The following BCO1 variants were observed in gnomAD, a reference collection of about 807,000 sequenced individuals.
BCO1 encodes beta,beta-carotene 15,15'-dioxygenase.
A neutral mutation model predicts 56.3 loss-of-function variants in BCO1; 54 were observed. The observed-to-expected ratio is 0.96, with a 90% confidence interval of 0.77 to 1.20. The LOEUF is 1.20. BCO1 is among the 50% of genes most tolerant of loss of function. The pLI is 0.00. For synonymous variants in BCO1, 318 were observed against 266.1 expected, an observed-to-expected ratio of 1.20 and a Z score of -1.90; for missense variants, 801 against 690.9, an observed-to-expected ratio of 1.16 and a Z score of -1.79.
intron 9 of BCO1, among the ~76,000 whole-genome samples, 154 bp from the exon 10 acceptor site, chr16:81,287,141 C>T (rs1426618853): frequency 1.3e-5 from 2 of 152,186 alleles, no homozygotes; most frequent in Non-Finnish European, 1.5e-5. Flanking sequence ...CTTGGCTGTG[C>T]TCACCAGAGG....
chr16:81,257,327 C>T (rs759269463), intron 2 of BCO1, among the ~76,000 whole-genome samples: 47 of 151,982 alleles, frequency 3.1e-4, no homozygotes, highest in Non-Finnish European at 5.3e-4. Context: ...GGCAGTGGCG[C>T]GATCTCGGCT....
At chr16:81,268,409 C>T (rs970055444) in intron 6 of BCO1, among the ~76,000 whole-genome samples, 1 of 152,166 alleles carries the variant, frequency 6.6e-6, no homozygotes, top group Non-Finnish European at 1.5e-5. Flanking sequence ...TCCCCATATG[C>T]CCAGCAGCAA....
In BCO1 at chr16:81,245,479, G is replaced by A; in HGVS notation, c.69G>A (p.Lys23=). ...LEPVRAKVTG[K]IPAWLQGTLL... is the part of the protein sequence containing the mutation. ...AAACATTCTCTCTTTTCTCAGGCAA[G>A]ATTCCAGCATGGCTGCAGGGAACCC... The change falls in exon 2 of 11, where the codon AAG becomes AAA. Residue 23 remains lysine, a synonymous_variant. Coordinates refer to ENST00000258168, the MANE Select transcript of BCO1 (RefSeq NM_017429.3). 2 of 1,614,244 alleles carry A rather than the reference G, an allele frequency of 1.2e-6. No homozygotes were observed. The highest frequency in any genetic ancestry group is 1.7e-6 in the Non-Finnish European group (2 of 1,180,044).
intron 9 of BCO1, among the ~76,000 whole-genome samples, chr16:81,286,018 C>CT (rs1567466792): frequency 1.3e-5 from 2 of 150,550 alleles, no homozygotes; most frequent in African/African-American, 4.9e-5. Flanking sequence ...TATTTTGCTT[C>CT]TTTTTTTGTT....
intron 2 of BCO1, among the ~76,000 whole-genome samples, chr16:81,246,577 G>A (rs1219847105): frequency 6.6e-6 from 1 of 151,360 alleles, no homozygotes. Flanking sequence ...GTAGCTGGGC[G>A]CAGTGGCTCA....
intron 2 of BCO1, among the ~76,000 whole-genome samples, chr16:81,253,005 A>G (rs916998618): frequency 2.6e-5 from 4 of 152,162 alleles, no homozygotes; most frequent in African/African-American, 9.6e-5. Context: ...CCTACTCAGG[A>G]TGCTGAGGCA....
chr16:81,267,854 G>A (rs545026946), intron 5 of BCO1, 54 bp from the exon 6 acceptor site: 2 of 1,510,444 alleles, frequency 1.3e-6, no homozygotes, highest in South Asian at 1.1e-5. Flanking sequence ...GTGTGGTCTT[G>A]GGGGGGCAGC....
rs28504508 is a variant in BCO1 at position 81,270,464 on chromosome 16, C to T, written c.1101+48C>T. ...CTTTTCTTTCTAGAGAGATATCGGCCCAGGTGGGAAGTTACTTTGGCCCTT... is the reference window on the plus strand; with the variant it reads ...CTTTTCTTTCTAGAGAGATATCGGCTCAGGTGGGAAGTTACTTTGGCCCTT... On this transcript the variant is annotated intron_variant, in intron 7 of 10. Transcript: ENST00000258168. The T allele has an allele frequency of 0.049, 78,711 of 1,610,628 alleles. 6,512 individuals carry two copies. Among genetic ancestry groups the T allele is most frequent in the African/African-American group, 0.35 (26,041 of 74,666 alleles).
chr16:81,268,167 G>A, intron 6 of BCO1, 36 bp downstream of exon 6: 1 of 1,575,798 alleles, frequency 6.3e-7, no homozygotes, highest in Admixed American at 1.7e-5. Flanking sequence ...AGTGGGTGCT[G>A]GCTGACCATG....
intron 7 of BCO1, among the ~76,000 whole-genome samples, chr16:81,279,548 GA>G (rs1907747150): frequency 1.3e-5 from 2 of 152,162 alleles, no homozygotes; most frequent in Non-Finnish European, 2.9e-5. Flanking sequence ...GCATTCTTGT[GA>G]ATCATTTGTG....
At chr16:81,289,013 ACTTC>A (rs1908327690) in intron 10 of BCO1, among the ~76,000 whole-genome samples, 1 of 152,182 alleles carries the variant, frequency 6.6e-6, no homozygotes, top group Admixed American at 6.5e-5. Context: ...TCAGTGGGAC[ACTTC>A]CTTTACATTC....
chr16:81,267,364 G>C (rs946684867), intron 5 of BCO1, among the ~76,000 whole-genome samples: 4 of 152,164 alleles, frequency 2.6e-5, no homozygotes, highest in African/African-American at 9.7e-5. Flanking sequence ...TGTAATCCCA[G>C]CACTTTGGGA....
intron 6 of BCO1, among the ~76,000 whole-genome samples, chr16:81,269,657 T>C (rs993904702): frequency 3.3e-5 from 5 of 152,070 alleles, no homozygotes; most frequent in African/African-American, 1.2e-4. Flanking sequence ...TTAGTAGAGA[T>C]GGGGTTTTGC....
At chr16:81,280,495 A>G (rs1366054013) in intron 7 of BCO1, among the ~76,000 whole-genome samples, 1 of 152,148 alleles carries the variant, frequency 6.6e-6, no homozygotes, top group Non-Finnish European at 1.5e-5. Context: ...CTTTAGAAGC[A>G]TCCTTTTAAC....
intron 8 of BCO1, among the ~76,000 whole-genome samples, chr16:81,284,029 CAAAA>C (rs1191145225): frequency 7.8e-6 from 1 of 128,556 alleles, no homozygotes; most frequent in African/African-American, 2.9e-5. Flanking sequence ...ACTGAAAATA[CAAAA>C]AAAAAAAAAA....
At chr16:81,242,413 C>G (rs1179002280) in intron 1 of BCO1, among the ~76,000 whole-genome samples, 3 of 151,986 alleles carry the variant, frequency 2.0e-5, no homozygotes, top group South Asian at 2.1e-4. Flanking sequence ...ATTGGCCAGG[C>G]TAGTCTCAAA....
intron 9 of BCO1, among the ~76,000 whole-genome samples, chr16:81,285,870 C>G (rs908304543): frequency 2.6e-5 from 4 of 152,060 alleles, no homozygotes; most frequent in Non-Finnish European, 5.9e-5. Context: ...TTATTCAATA[C>G]ATATTTAATG....
chr16:81,287,354 G>C lies in BCO1; in HGVS notation c.1362G>C (p.Trp454Cys). ...TAAAATGGAGAGAGGACGACTGCTG[G>C]CCAGCGGAACCCCTGTTTGTGCCCG... is the stretch of plus-strand genomic sequence containing the variant. ...SSLKWREDDCWPAEPLFVPAP... is the reference protein window; with the variant it reads ...SSLKWREDDCCPAEPLFVPAP... The change falls in exon 10 of 11, where the codon TGG (tryptophan) becomes TGC (cysteine). Residue 454 changes from tryptophan to cysteine, a missense_variant. Coordinates refer to ENST00000258168, the MANE Select transcript of BCO1 (RefSeq NM_017429.3). The C allele has an allele frequency of 1.2e-6, 2 of 1,614,100 alleles. No homozygotes were observed. The highest frequency in any genetic ancestry group is 1.7e-6 in the Non-Finnish European group (2 of 1,180,006).
intron 6 of BCO1, 121 bp downstream of exon 6, chr16:81,268,252 G>A (rs1906959383): frequency 1.1e-6 from 1 of 915,612 alleles, no homozygotes. Context: ...GCTACCAGAG[G>A]CATCTACCCA....
Sources: gnomAD v4.1 joint callset for allele counts (sites outside exome capture counted in the v4.1 genomes callset) on GRCh38, gnomAD v4.1.1 for gene constraint, MANE v1.5 for transcripts, NCBI Gene and HGNC (gene_info 2026-07-23, HGNC 2026-07-21) for gene names.